Variants in C2orf49 observed in about 807,000 individuals in gnomAD.
The protein encoded by C2orf49 is tRNA splicing ligase complex subunit 2.
In C2orf49, 11 loss-of-function variants were observed where a neutral mutation model predicts 20.6. That is an observed-to-expected ratio of 0.53 (90% CI 0.34 to 0.88). The LOEUF is 0.88. Ranked by LOEUF, C2orf49 falls within the 40% of genes least tolerant of loss-of-function variation. The pLI is 0.02. For synonymous variants in C2orf49, 134 were observed against 108.5 expected (o/e 1.24, Z -1.46); for missense variants, 289 against 274.2 (o/e 1.05, Z -0.38).
At chr2:105,366,165 G>A in the C2orf49 span, among the ~76,000 whole-genome samples, 2 of 151,694 alleles carry the variant, frequency 1.3e-5, no homozygotes, top group South Asian at 2.1e-4. Flanking sequence ...AGCCAAGATC[G>A]AGCCACTGCA....
At chr2:105,377,729 C>T in the C2orf49 span, 337 of 254,464 alleles carry the variant, frequency 1.3e-3, 3 homozygotes, top group African/African-American at 7.0e-3. Flanking sequence ...CGAGCCACCT[C>T]ATAGAGGACT....
chr2:105,378,987 A>G, the C2orf49 span: 3 of 152,184 alleles, frequency 2.0e-5, no homozygotes, highest in East Asian at 1.9e-4. Context: ...GAGGTCCCAC[A>G]GTCCACATCT....
chr2:105,384,820 A>G, the C2orf49 span, among the ~76,000 whole-genome samples: 1 of 152,146 alleles, frequency 6.6e-6, no homozygotes, highest in African/African-American at 2.4e-5. Context: ...GGTTCTCCCC[A>G]TTTTATAGAT....
intron 3 of C2orf49, among the ~76,000 whole-genome samples, chr2:105,343,781 G>A (rs371875837): frequency 9.2e-5 from 14 of 152,004 alleles, no homozygotes; most frequent in African/African-American, 3.4e-4. Flanking sequence ...TGAATCATTT[G>A]GATGCTTGTT....
At chr2:105,356,568 C>T in the C2orf49 span, among the ~76,000 whole-genome samples, 1 of 152,106 alleles carries the variant, frequency 6.6e-6, no homozygotes, top group African/African-American at 2.4e-5. Flanking sequence ...GAGCGAGATC[C>T]TGTCTCAAAA....
the C2orf49 span, among the ~76,000 whole-genome samples, chr2:105,379,817 C>T: frequency 4.6e-5 from 7 of 152,254 alleles, no homozygotes; most frequent in Non-Finnish European, 1.0e-4. Context: ...CAAGTCCCAG[C>T]TGAAATCTCA....
chr2:105,351,326 C>CCCA (rs1679931309), downstream of C2orf49, among the ~76,000 whole-genome samples: 3 of 83,592 alleles, frequency 3.6e-5, no homozygotes, highest in South Asian at 4.4e-4. Flanking sequence ...CCCCCCCCCC[C>CCCA]AAAAAAAAAG....
At chr2:105,340,753 A>G (rs1038828481) in intron 2 of C2orf49, among the ~76,000 whole-genome samples, 2 of 152,182 alleles carry the variant, frequency 1.3e-5, no homozygotes, top group Admixed American at 1.3e-4. Flanking sequence ...GTGTCCTAAG[A>G]TCCTTAAGTG....
chr2:105,360,405 G>A, the C2orf49 span: 1 of 151,254 alleles, frequency 6.6e-6, no homozygotes. Context: ...CTTCCAGGCT[G>A]GAGTTCAGTG....
At chr2:105,355,646 T>C in the C2orf49 span, among the ~76,000 whole-genome samples, 1 of 152,090 alleles carries the variant, frequency 6.6e-6, no homozygotes, top group Admixed American at 6.6e-5. Context: ...TAACTCAGAG[T>C]GTACTCAAGT....
chr2:105,352,452 G>GGTTT (rs1679960296), downstream of C2orf49, among the ~76,000 whole-genome samples: 2 of 68,070 alleles, frequency 2.9e-5, no homozygotes, highest in South Asian at 5.7e-4. Flanking sequence ...TTTTTTTTTC[G>GGTTT]TTTTTTTTTT....
the C2orf49 span, among the ~76,000 whole-genome samples, chr2:105,370,443 A>C: frequency 6.6e-6 from 1 of 151,684 alleles, no homozygotes; most frequent in Non-Finnish European, 1.5e-5. Flanking sequence ...TCGCTACTTG[A>C]GTCTGCTCAG....
At chr2:105,360,071 G>C in the C2orf49 span, 1 of 152,194 alleles carries the variant, frequency 6.6e-6, no homozygotes, top group Non-Finnish European at 1.5e-5. Context: ...TTGGGGGACC[G>C]AGGCAGGTGG....
the C2orf49 span, among the ~76,000 whole-genome samples, chr2:105,384,697 AG>A: frequency 1.3e-5 from 2 of 152,174 alleles, no homozygotes; most frequent in Admixed American, 6.5e-5. Flanking sequence ...CAGTAGACAC[AG>A]GGTTTCGCCA....
rs10533537 is a variant in C2orf49 at position 105,348,527 on chromosome 2, C to CATATATATATATAT, written c.*3173_*3186dup. ...AAGTAAAACTGCCAGTAGATTAAAT[C>CATATATATATATAT]ATATATATATATATATATATATATA... On this transcript the variant is annotated 3_prime_UTR_variant, in exon 4 of 4. Transcript: ENST00000258457. 2 of 132,426 alleles carry CATATATATATATAT rather than the reference C, an allele frequency of 1.5e-5. No homozygotes were observed. Among genetic ancestry groups the CATATATATATATAT allele is most frequent in the African/African-American group, 5.6e-5 (2 of 35,506 alleles). 8.2% of individuals were successfully genotyped at this position (132,426 alleles called of 1,614,324 possible). A position where few individuals can be genotyped will look rare whatever the true frequency, so the allele number is the denominator to read the frequency against.
In C2orf49 at chr2:105,340,739, C is replaced by A. The variant is rs12478628; in HGVS notation, c.266+990C>A. Among the ~76,000 whole-genome samples the A allele has an allele frequency of 7.0e-3, 1,066 of 152,214 alleles. 32 individuals are homozygous for A. The highest frequency in any genetic ancestry group is 0.053 in the Admixed American group (817 of 15,286). ...AGTGTTGTTGATTGGTTAATAAGTA[C>A]AAAGTGTCCTAAGATCCTTAAGTGA... On this transcript the variant is annotated intron_variant, in intron 2 of 3. Transcript: ENST00000258457.
At chr2:105,377,943 C>A in the C2orf49 span, 1 of 420,964 alleles carries the variant, frequency 2.4e-6, no homozygotes, top group Non-Finnish European at 4.9e-6. Flanking sequence ...TTATCAGTGA[C>A]AAGAGAGGGA....
intron 1 of C2orf49, among the ~76,000 whole-genome samples, chr2:105,338,738 T>C (rs912052712): frequency 6.6e-6 from 1 of 152,176 alleles, no homozygotes; most frequent in African/African-American, 2.4e-5. Context: ...AATGTGCTTT[T>C]ATTAGTTTTT....
At chr2:105,369,912 G>C in the C2orf49 span, among the ~76,000 whole-genome samples, 1 of 152,210 alleles carries the variant, frequency 6.6e-6, no homozygotes, top group Non-Finnish European at 1.5e-5. Flanking sequence ...CATGGCGCGT[G>C]CACCTCAGGC....
Sources: allele counts gnomAD v4.1 joint callset (sites outside exome capture counted in the v4.1 genomes callset), GRCh38; gene constraint gnomAD v4.1.1; transcripts MANE v1.5; gene names NCBI Gene and HGNC (gene_info 2026-07-23, HGNC 2026-07-21).